The following MCF2L variants were observed in gnomAD, a reference collection of about 807,000 sequenced individuals.
MCF2L encodes guanine nucleotide exchange factor DBS.
A neutral mutation model predicts 153.4 loss-of-function variants in MCF2L; 97 were observed. That is an observed-to-expected ratio of 0.63 (90% CI 0.54 to 0.75). The LOEUF is 0.75. MCF2L is among the 30% of genes least tolerant of loss of function. The pLI is 0.00. For missense variants in MCF2L, 1,347 were observed against 1,495.2 expected (o/e 0.90, Z 1.64); for synonymous variants, 659 against 632.2 (o/e 1.04, Z -0.64).
In MCF2L at chr13:113,031,116, CAG is replaced by C. The variant is rs569122019; in HGVS notation, c.278+6363_278+6364del. Among the ~76,000 whole-genome samples the C allele has an allele frequency of 1.2e-3, 180 of 149,162 alleles. No individual in the cohort carries two copies. The highest frequency in any genetic ancestry group is 3.7e-3 in the African/African-American group (147 of 40,112). ...AGACAGAGACAGAGAGAGACAGAGA[CAG>C]AGAGTGACAGAGAGACAGACAGAGA... On this transcript the variant is annotated intron_variant, in intron 3 of 29. Transcript: ENST00000535094. The surrounding 1 kb of genome is among the most constrained non-coding windows in gnomAD (Gnocchi z 5.5).
chr13:112,970,952 G>A (rs1163131827), intron 1 of MCF2L, among the ~76,000 whole-genome samples: 1 of 152,102 alleles, frequency 6.6e-6, no homozygotes, highest in Non-Finnish European at 1.5e-5. Context: ...GCTTCACCAG[G>A]ACTTTCAAGT....
At chr13:112,955,719 T>C (rs1454936973) in intron 2 of MCF2L, among the ~76,000 whole-genome samples, 1 of 152,182 alleles carries the variant, frequency 6.6e-6, no homozygotes, top group Admixed American at 6.5e-5. Context: ...AAAGAGCCCC[T>C]GCGCTCAGCA....
chr13:112,903,094 G>A (rs2081135511), intron 2 of MCF2L, among the ~76,000 whole-genome samples: 1 of 152,350 alleles, frequency 6.6e-6, no homozygotes, highest in Non-Finnish European at 1.5e-5. Flanking sequence ...AACCCAGTGT[G>A]GGCACTCACC....
intron 2 of MCF2L, among the ~76,000 whole-genome samples, chr13:112,958,873 G>A (rs547322053): frequency 6.6e-6 from 1 of 152,302 alleles, no homozygotes; most frequent in South Asian, 2.1e-4. Flanking sequence ...TCCCGCACAG[G>A]GTCTGGATGG....
intron 2 of MCF2L, among the ~76,000 whole-genome samples, chr13:112,922,467 A>G (rs1235534354): frequency 2.0e-5 from 3 of 152,106 alleles, no homozygotes; most frequent in Non-Finnish European, 4.4e-5. Flanking sequence ...GAAATAAACT[A>G]TGGACTGATC....
At chr13:113,029,189 C>T (rs536265284) in intron 3 of MCF2L, among the ~76,000 whole-genome samples, 1 of 152,158 alleles carries the variant, frequency 6.6e-6, no homozygotes, top group African/African-American at 2.4e-5. Context: ...AGGGAAGCTG[C>T]GGGCCTGTAA....
rs1374167302 is a variant in MCF2L, at chr13:113,012,184, G to T, written c.80-2579G>T. ...ATGCGGACGGTGGACAGGCAGTGTG[G>T]ATGGTGGACAGGCGGTGTGGACGGT... On this transcript the variant is annotated intron_variant, in intron 1 of 29. Transcript: ENST00000535094. Among the ~76,000 whole-genome samples the T allele has an allele frequency of 2.0e-5, 2 of 100,762 alleles. 1 individual carries two copies. The highest frequency in any genetic ancestry group is 4.4e-5 in the Non-Finnish European group (2 of 45,680). The allele number at this position is 100,762 out of a possible 152,430, so 66.1% of individuals were successfully genotyped here. A position where few individuals can be genotyped will look rare whatever the true frequency, so the allele number is the denominator to read the frequency against.
chr13:113,037,579 G>T (rs1465656824), intron 3 of MCF2L, among the ~76,000 whole-genome samples: 3 of 152,188 alleles, frequency 2.0e-5, no homozygotes, highest in Non-Finnish European at 2.9e-5. Context: ...CTCTAATAGA[G>T]TATCTTGTAG....
chr13:113,015,623 A>C (rs1379004985), intron 2 of MCF2L, among the ~76,000 whole-genome samples: 3 of 152,114 alleles, frequency 2.0e-5, no homozygotes, highest in African/African-American at 7.2e-5. Context: ...ACCTGCACCT[A>C]CAGAGCCAGC....
At chr13:113,060,763 G>T (rs369012123) in intron 5 of MCF2L, 51 bp downstream of exon 5, 2 of 1,597,728 alleles carry the variant, frequency 1.3e-6, no homozygotes, top group African/African-American at 1.3e-5. Flanking sequence ...ACTCATTGCC[G>T]TCCTGGCCCA....
chr13:112,954,875 G>A (rs923282028), intron 2 of MCF2L, among the ~76,000 whole-genome samples: 2 of 152,250 alleles, frequency 1.3e-5, no homozygotes, highest in African/African-American at 2.4e-5. Context: ...GGCAAGTCCA[G>A]CACCTGGGGG....
chr13:112,928,194 TG>T (rs1265746707), intron 2 of MCF2L, among the ~76,000 whole-genome samples: 1 of 152,228 alleles, frequency 6.6e-6, no homozygotes, highest in African/African-American at 2.4e-5. Flanking sequence ...GGGCAGCCGT[TG>T]CTGGGGATGC....
Position 112,983,369 on chromosome 13 carries a change from G to A in MCF2L, c.79+13911G>A, listed in dbSNP as rs545125095. 3.3e-5 allele frequency among the ~76,000 whole-genome samples: 5 copies of A among 152,216 alleles called. No homozygotes were observed. The highest frequency in any genetic ancestry group is 2.0e-4 in the Admixed American group (3 of 15,288). The stretch of plus-strand genomic sequence containing the variant: ...TGGGGAGTGTGCCCAGTGGCACTGC[G>A]GAAACCCAGGCCGGACCTCACAATT... On this transcript the variant is annotated intron_variant, in intron 1 of 29. Transcript: ENST00000535094. The surrounding 1 kb of genome is among the most constrained non-coding windows in gnomAD (Gnocchi z 4.0).
chr13:112,976,657 G>A (rs373586503), intron 1 of MCF2L, among the ~76,000 whole-genome samples: 25 of 152,212 alleles, frequency 1.6e-4, no homozygotes, highest in African/African-American at 5.8e-4. Flanking sequence ...CACCAAAGGT[G>A]CCTCCACCAG....
chr13:112,944,251 T>C (rs138965908), intron 2 of MCF2L, among the ~76,000 whole-genome samples: 1 of 151,630 alleles, frequency 6.6e-6, no homozygotes, highest in East Asian at 2.0e-4. Context: ...TCCCGGGCCA[T>C]GAAGGGAGGG....
At chr13:113,079,833 G>T (rs1318826093) in intron 15 of MCF2L, among the ~76,000 whole-genome samples, 2 of 1,138 alleles carry the variant, frequency 1.8e-3, no homozygotes, top group African/African-American at 3.5e-3. Context: ...GAGGGTCCAG[G>T]CAGAGGAGAG....
intron 3 of MCF2L, chr13:113,026,845 G>C (rs1280221702): frequency 1.4e-6 from 1 of 690,340 alleles, no homozygotes; most frequent in Non-Finnish European, 2.7e-6. Flanking sequence ...AAAAGGTAGG[G>C]AGCCCAGTTC....
intron 3 of MCF2L, among the ~76,000 whole-genome samples, chr13:113,025,468 T>C (rs867022676): frequency 3.4e-5 from 1 of 29,036 alleles, no homozygotes; most frequent in Non-Finnish European, 6.3e-5. Context: ...TGAGGTTTCA[T>C]CATGGTGGGG....
chr13:112,973,852 T>C (rs1188083688), intron 1 of MCF2L, among the ~76,000 whole-genome samples: 2 of 152,166 alleles, frequency 1.3e-5, no homozygotes, highest in Admixed American at 6.5e-5. Flanking sequence ...GAGAAGGGGA[T>C]GCCTGCGAGG....
Sources: gnomAD v4.1 joint callset for allele counts (sites outside exome capture counted in the v4.1 genomes callset) on GRCh38, gnomAD v4.1.1 for gene constraint, Gnocchi (gnomAD v3.1) non-coding constraint, MANE v1.5 for transcripts, NCBI Gene and HGNC (gene_info 2026-07-23, HGNC 2026-07-21) for gene names.